IMMP2L: variants seen among roughly 807,000 people sequenced by gnomAD.
IMMP2L encodes the protein mitochondrial inner membrane protease subunit 2.
IMMP2L carries 18 observed loss-of-function variants against 19.3 expected under a neutral mutation model. The observed-to-expected ratio is 0.93, with a 90% CI of 0.64 to 1.38. The LOEUF (loss-of-function observed/expected upper bound fraction) is 1.38, where lower values mean the gene tolerates loss of function less well. Among genes scored for constraint, IMMP2L ranks in the 40% most tolerant of loss-of-function variants. The pLI is 0.00. For synonymous variants in IMMP2L, 76 were observed against 73.0 expected (o/e 1.04, Z -0.21); for missense variants, 233 against 218.2 (o/e 1.07, Z -0.43).
intron 4 of IMMP2L, among the ~76,000 whole-genome samples, chr7:110,947,041 A>G (rs1055171192): frequency 6.6e-6 from 1 of 152,126 alleles, no homozygotes; most frequent in Admixed American, 6.6e-5. Context: ...TTTAAAATGG[A>G]CAATTCTGGA....
intron 3 of IMMP2L, among the ~76,000 whole-genome samples, chr7:111,266,817 A>G (rs1375527459): frequency 6.6e-6 from 1 of 152,200 alleles, no homozygotes; most frequent in East Asian, 1.9e-4. Flanking sequence ...CTTAGCCAGA[A>G]AGAACTTATG....
intron 4 of IMMP2L, among the ~76,000 whole-genome samples, chr7:110,920,332 A>G (rs1814129212): frequency 6.6e-6 from 1 of 152,188 alleles, no homozygotes; most frequent in Non-Finnish European, 1.5e-5. Flanking sequence ...CACCCTAGGT[A>G]GGGACACAGA....
chr7:110,862,331 G>A (rs1303157757), intron 5 of IMMP2L, among the ~76,000 whole-genome samples: 1 of 151,022 alleles, frequency 6.6e-6, no homozygotes, highest in Non-Finnish European at 1.5e-5. Flanking sequence ...AAGTCATATT[G>A]TTTTATACAT....
chr7:110,873,522 G>C (rs955949685), intron 5 of IMMP2L, among the ~76,000 whole-genome samples: 27 of 149,946 alleles, frequency 1.8e-4, no homozygotes, highest in African/African-American at 6.6e-4. Flanking sequence ...CCAGCATTTT[G>C]GGAGGCTGAG....
intron 3 of IMMP2L, among the ~76,000 whole-genome samples, chr7:111,039,909 T>C (rs1791725384): frequency 6.6e-6 from 1 of 152,186 alleles, no homozygotes; most frequent in Admixed American, 6.6e-5. Flanking sequence ...TTCACACCTG[T>C]AATCCCAGCA....
chr7:111,539,194 G>GAAA (rs1848230943), intron 1 of IMMP2L, among the ~76,000 whole-genome samples: 3 of 60,892 alleles, frequency 4.9e-5, no homozygotes, highest in Non-Finnish European at 6.2e-5. Flanking sequence ...GAAGGAAGGA[G>GAAA]GGAGAAAGAA....
chr7:111,340,741 T>C (rs1826926481), intron 3 of IMMP2L, among the ~76,000 whole-genome samples: 1 of 152,074 alleles, frequency 6.6e-6, no homozygotes, highest in Non-Finnish European at 1.5e-5. Context: ...TACAAAGGAA[T>C]ACTACATAGC....
chr7:111,122,532 T>C (rs1186618273), intron 3 of IMMP2L: 3 of 479,844 alleles, frequency 6.3e-6, no homozygotes, highest in Non-Finnish European at 1.1e-5. Context: ...CTTCAAAAAG[T>C]ACATCAATAT....
At chr7:111,127,661 T>TATTTA (rs1562828527) in intron 3 of IMMP2L, among the ~76,000 whole-genome samples, 1 of 152,160 alleles carries the variant, frequency 6.6e-6, no homozygotes, top group Non-Finnish European at 1.5e-5. Flanking sequence ...TTGGTCAAAG[T>TATTTA]ACTCAAACCA....
At chr7:111,354,452 T>C (rs1271875155) in intron 3 of IMMP2L, among the ~76,000 whole-genome samples, 2 of 151,704 alleles carry the variant, frequency 1.3e-5, no homozygotes, top group African/African-American at 4.8e-5. Flanking sequence ...AGGAAAAATC[T>C]TATTTGATAA....
intron 5 of IMMP2L, among the ~76,000 whole-genome samples, chr7:110,670,820 A>G (rs1791870030): frequency 6.6e-6 from 1 of 152,230 alleles, no homozygotes; most frequent in Non-Finnish European, 1.5e-5. Flanking sequence ...GAGAAAAACA[A>G]AACAATTTTT....
chr7:111,077,360 G>C (rs1795502290), intron 3 of IMMP2L, among the ~76,000 whole-genome samples: 1 of 152,260 alleles, frequency 6.6e-6, no homozygotes, highest in Admixed American at 6.5e-5. Context: ...TCTGTTTGGG[G>C]ATGAGGGCAA....
chr7:111,544,133 C>A (rs546205126), intron 1 of IMMP2L, among the ~76,000 whole-genome samples: 42 of 151,838 alleles, frequency 2.8e-4, no homozygotes, highest in South Asian at 2.3e-3. Context: ...TCATTCTGAG[C>A]AAACTATCCC....
chr7:110,759,678 C>A (rs1335637736), intron 5 of IMMP2L, among the ~76,000 whole-genome samples: 2 of 152,090 alleles, frequency 1.3e-5, no homozygotes, highest in Non-Finnish European at 2.9e-5. Context: ...CATGTATGTA[C>A]AGACAGACTT....
At chr7:111,108,203 G>C (rs1798767740) in intron 3 of IMMP2L, among the ~76,000 whole-genome samples, 1 of 152,090 alleles carries the variant, frequency 6.6e-6, no homozygotes, top group Non-Finnish European at 1.5e-5. Context: ...CAACAAGCAT[G>C]GTCTGGCCTG....
At chr7:111,036,360 T>C (rs999104845) in intron 3 of IMMP2L, among the ~76,000 whole-genome samples, 1 of 152,184 alleles carries the variant, frequency 6.6e-6, no homozygotes, top group Non-Finnish European at 1.5e-5. Context: ...CTTTGGGGCC[T>C]CAGCTTTCTC....
At position 110,904,843 on chromosome 7, in the gene IMMP2L, G is replaced by A. The variant is rs551999228; in HGVS notation, c.306-18148C>T. 4.6e-4 allele frequency among the ~76,000 whole-genome samples: 70 copies of A among 152,196 alleles called. 1 individual carries two copies. In the South Asian group the frequency reaches 0.012, roughly 25 times the overall value. ...AGGCCTGTTTTACTTCTTAAGCACCGGAACCACATAATTAATATAATCTCT... is the reference window on the plus strand; with the variant it reads ...AGGCCTGTTTTACTTCTTAAGCACCAGAACCACATAATTAATATAATCTCT... On this transcript the variant is annotated intron_variant, in intron 4 of 5. Coordinates refer to ENST00000405709, the MANE Select transcript of IMMP2L (RefSeq NM_032549.4).
chr7:111,291,742 G>T (rs1287739532), intron 3 of IMMP2L, among the ~76,000 whole-genome samples: 1 of 152,024 alleles, frequency 6.6e-6, no homozygotes, highest in African/African-American at 2.4e-5. Context: ...TACTAAAAAG[G>T]TAGATTTCAA....
At chr7:111,364,598 G>A (rs914915182) in intron 3 of IMMP2L, among the ~76,000 whole-genome samples, 16 of 148,430 alleles carry the variant, frequency 1.1e-4, no homozygotes, top group Non-Finnish European at 2.4e-4. Flanking sequence ...TTGCGCCACT[G>A]CACTCCAGCT....
Sources: gnomAD v4.1 joint callset for allele counts (sites outside exome capture counted in the v4.1 genomes callset) on GRCh38, gnomAD v4.1.1 for gene constraint, MANE v1.5 for transcripts, NCBI Gene and HGNC (gene_info 2026-07-23, HGNC 2026-07-21) for gene names.